Variants in CSNK1G1 observed in about 807,000 individuals in gnomAD.
CSNK1G1 encodes casein kinase 1 gamma 1, also known as casein kinase I isoform gamma-1.
CSNK1G1 carries 22 observed loss-of-function variants against 59.6 expected under a neutral mutation model. The observed-to-expected ratio is 0.37, with a 90% confidence interval of 0.26 to 0.53. The LOEUF (loss-of-function observed/expected upper bound fraction) is 0.53, where lower values mean the gene tolerates loss of function less well. CSNK1G1 is among the 20% of genes least tolerant of loss of function. CSNK1G1 has a pLI of 0.89. For synonymous variants in CSNK1G1, 179 were observed against 177.1 expected, an observed-to-expected ratio of 1.01 and a Z score of -0.08; for missense variants, 384 against 519.5, an observed-to-expected ratio of 0.74 and a Z score of 2.54.
intron 1 of CSNK1G1, among the ~76,000 whole-genome samples, chr15:64,318,055 C>T (rs1373009137): frequency 6.6e-6 from 1 of 152,066 alleles, no homozygotes; most frequent in East Asian, 1.9e-4. Flanking sequence ...CCTTATCCAA[C>T]TTAGGTGGGG....
chr15:64,332,908 A>G (rs11632198), intron 1 of CSNK1G1, among the ~76,000 whole-genome samples: 143,879 of 152,078 alleles, frequency 0.95, 68,530 homozygotes, highest in East Asian at 1. Context: ...TGTTCCTGAG[A>G]GAAAAGAAAA....
intron 1 of CSNK1G1, among the ~76,000 whole-genome samples, chr15:64,313,156 T>G (rs1896084899): frequency 6.6e-6 from 1 of 152,108 alleles, no homozygotes; most frequent in African/African-American, 2.4e-5. Flanking sequence ...TTGGTGGGAG[T>G]GTACATTAGT....
intron 1 of CSNK1G1, among the ~76,000 whole-genome samples, chr15:64,301,008 T>C (rs528654517): frequency 3.9e-5 from 6 of 152,328 alleles, no homozygotes; most frequent in Admixed American, 6.5e-5. Flanking sequence ...AGAAAGACAA[T>C]TGTTTTTCAT....
intron 4 of CSNK1G1, among the ~76,000 whole-genome samples, chr15:64,222,857 G>A (rs1596117839): frequency 6.6e-6 from 1 of 152,154 alleles, no homozygotes; most frequent in East Asian, 1.9e-4. Context: ...TTAATATAAG[G>A]ATTCAGAATA....
At chr15:64,175,132 A>G (rs1490942921) in intron 11 of CSNK1G1, among the ~76,000 whole-genome samples, 1 of 152,040 alleles carries the variant, frequency 6.6e-6, no homozygotes, top group African/African-American at 2.4e-5. Flanking sequence ...ATGTCGGATT[A>G]CACAGACACA....
chr15:64,264,618 C>T (rs1281049246), intron 2 of CSNK1G1, among the ~76,000 whole-genome samples: 1 of 152,182 alleles, frequency 6.6e-6, no homozygotes, highest in Non-Finnish European at 1.5e-5. Context: ...AGGCACAAAT[C>T]GTCAACAAAA....
At chr15:64,341,915 AAACTC>A (rs935413109) in intron 1 of CSNK1G1, among the ~76,000 whole-genome samples, 18 of 152,196 alleles carry the variant, frequency 1.2e-4, no homozygotes, top group South Asian at 6.2e-4. Context: ...CAAAACCTAT[AAACTC>A]AACTATTGAA....
At chr15:64,322,597 T>C (rs1896621838) in intron 1 of CSNK1G1, among the ~76,000 whole-genome samples, 1 of 152,010 alleles carries the variant, frequency 6.6e-6, no homozygotes, top group Non-Finnish European at 1.5e-5. Flanking sequence ...GGTTGATCCC[T>C]TGAGCCCAGT....
At chr15:64,173,578 G>A (rs2081701643) in intron 11 of CSNK1G1, among the ~76,000 whole-genome samples, 1 of 149,888 alleles carries the variant, frequency 6.7e-6, no homozygotes, top group Non-Finnish European at 1.5e-5. Flanking sequence ...AAGAATTCAA[G>A]AACAAATGGT....
chr15:64,304,014 C>G (rs1169709827), intron 1 of CSNK1G1, among the ~76,000 whole-genome samples: 1 of 151,786 alleles, frequency 6.6e-6, no homozygotes, highest in African/African-American at 2.4e-5. Context: ...TTCCCACAAC[C>G]ATGACAAAAA....
chr15:64,230,981 T>A (rs527984949), intron 4 of CSNK1G1, among the ~76,000 whole-genome samples: 90 of 150,708 alleles, frequency 6.0e-4, no homozygotes, highest in African/African-American at 1.3e-3. Context: ...CTCAAAAAAA[T>A]AAATAAATAA....
intron 1 of CSNK1G1, among the ~76,000 whole-genome samples, chr15:64,352,903 A>G (rs1898395433): frequency 6.6e-6 from 1 of 151,922 alleles, no homozygotes; most frequent in African/African-American, 2.4e-5. Flanking sequence ...TGCCTGGCCA[A>G]CATGGCAAAA....
chr15:64,232,159 AAGAATGC>A (rs2082559012), intron 4 of CSNK1G1, among the ~76,000 whole-genome samples: 1 of 152,240 alleles, frequency 6.6e-6, no homozygotes, highest in Admixed American at 6.5e-5. Context: ...CTGAAAGCAC[AAGAATGC>A]AGAATCGTGC....
At chr15:64,180,921 C>G (rs1425446430) in intron 10 of CSNK1G1, among the ~76,000 whole-genome samples, 1 of 152,188 alleles carries the variant, frequency 6.6e-6, no homozygotes, top group African/African-American at 2.4e-5. Flanking sequence ...AATCACTTGG[C>G]TCCCTTGAAT....
intron 2 of CSNK1G1, among the ~76,000 whole-genome samples, chr15:64,280,745 C>A (rs374672142): frequency 6.6e-6 from 1 of 152,114 alleles, no homozygotes; most frequent in Non-Finnish European, 1.5e-5. Flanking sequence ...GCTAAGCATT[C>A]AGAAACAGCC....
intron 1 of CSNK1G1, among the ~76,000 whole-genome samples, chr15:64,313,092 G>A (rs890641793): frequency 6.6e-6 from 1 of 152,174 alleles, no homozygotes; most frequent in African/African-American, 2.4e-5. Flanking sequence ...TCATTAAAAA[G>A]TCAGGAAACA....
chr15:64,268,575 C>T (rs531526938), intron 2 of CSNK1G1, among the ~76,000 whole-genome samples: 124 of 152,338 alleles, frequency 8.1e-4, no homozygotes, highest in African/African-American at 2.7e-3. Context: ...TTTCTTCCCA[C>T]ATCCCAAAGA....
intron 9 of CSNK1G1, among the ~76,000 whole-genome samples, chr15:64,204,161 A>C (rs529751839): frequency 6.6e-6 from 1 of 151,978 alleles, no homozygotes; most frequent in Non-Finnish European, 1.5e-5. Flanking sequence ...GAATCATTCA[A>C]ATGAAACTTC....
At chr15:64,351,824 A>AG (rs1429524515) in intron 1 of CSNK1G1, among the ~76,000 whole-genome samples, 1 of 152,154 alleles carries the variant, frequency 6.6e-6, no homozygotes, top group Non-Finnish European at 1.5e-5. Context: ...GGCTGCAGTA[A>AG]GCTGAGCCTG....
Sources: allele counts gnomAD v4.1 joint callset (sites outside exome capture counted in the v4.1 genomes callset), GRCh38; gene constraint gnomAD v4.1.1; transcripts MANE v1.5; gene names NCBI Gene and HGNC (gene_info 2026-07-23, HGNC 2026-07-21).